PRR11: variants seen among roughly 807,000 people sequenced by gnomAD.
PRR11 encodes the protein proline-rich protein 11.
PRR11 carries 30 observed loss-of-function variants against 45.6 expected under a neutral mutation model. The observed-to-expected ratio is 0.66, with a 90% confidence interval of 0.49 to 0.89. PRR11 has a LOEUF of 0.89. Among genes scored for constraint, PRR11 ranks in the 40% least tolerant of loss-of-function variants. The probability of loss-of-function intolerance (pLI) is 0.00; values close to 1 mark genes in which losing one functional copy is unlikely to be tolerated. For synonymous variants in PRR11, 128 were observed against 153.5 expected (o/e 0.83, Z 1.23); for missense variants, 373 against 424.8 (o/e 0.88, Z 1.07).
intron 2 of PRR11, chr17:59,174,907 C>T (rs1334969427): frequency 8.9e-7 from 1 of 1,120,654 alleles, no homozygotes; most frequent in Non-Finnish European, 1.3e-6. Flanking sequence ...TGTCCAGCCT[C>T]CAGCCCACCT....
intron 1 of PRR11, among the ~76,000 whole-genome samples, chr17:59,161,423 A>AC (rs2046652329): frequency 6.6e-6 from 1 of 150,806 alleles, no homozygotes; most frequent in Non-Finnish European, 1.5e-5. Context: ...AAAAAAAAAA[A>AC]CAAAAACATA....
At chr17:59,161,952 T>C (rs1443754843) in intron 1 of PRR11, among the ~76,000 whole-genome samples, 1 of 152,216 alleles carries the variant, frequency 6.6e-6, no homozygotes, top group African/African-American at 2.4e-5. Flanking sequence ...GGAAAGTACC[T>C]AATGCTTTTA....
chr17:59,195,493 T>G, intron 7 of PRR11, 50 bp downstream of exon 7: 1 of 1,267,990 alleles, frequency 7.9e-7, no homozygotes, highest in South Asian at 1.3e-5. Flanking sequence ...AAGAATGATA[T>G]TGTTGTACAA....
chr17:59,197,842 T>G, intron 9 of PRR11, 53 bp downstream of exon 9: 13 of 1,477,730 alleles, frequency 8.8e-6, no homozygotes, highest in Non-Finnish European at 1.2e-5. Context: ...TAATTTGGCC[T>G]GGTGTGGTGG....
chr17:59,178,619 G>A, intron 2 of PRR11: 1 of 520,008 alleles, frequency 1.9e-6, no homozygotes, highest in East Asian at 5.4e-5. Flanking sequence ...GTGTCTCCCA[G>A]GGGGAAGTCT....
At chr17:59,165,793 A>C (rs1413816061) in intron 1 of PRR11, among the ~76,000 whole-genome samples, 2 of 146,722 alleles carry the variant, frequency 1.4e-5, no homozygotes, top group Non-Finnish European at 3.0e-5. Flanking sequence ...ACTCTGTCTC[A>C]AAAAAAAAAC....
intron 1 of PRR11, among the ~76,000 whole-genome samples, chr17:59,167,867 C>T (rs1228577341): frequency 1.3e-5 from 2 of 152,276 alleles, no homozygotes; most frequent in South Asian, 2.1e-4. Flanking sequence ...TTCTTTACTG[C>T]ATCCTGTTTT....
rs575718450 is a variant in PRR11, at chr17:59,204,879, T to G, written c.*3248T>G. ...CCCCAACTCTACAAAAAACGAAAAA[T>G]TAGCCGGGAGCGGTGATGTGTGCCT... On this transcript the variant is annotated 3_prime_UTR_variant, in exon 10 of 10. Transcript: ENST00000262293. Among the ~76,000 whole-genome samples, 51 of 151,796 alleles carry G rather than the reference T, an allele frequency of 3.4e-4. No homozygotes were observed. The highest frequency in any genetic ancestry group is 1.2e-3 in the African/African-American group (49 of 41,370).
chr17:59,176,245 G>C (rs2046744943), intron 2 of PRR11, among the ~76,000 whole-genome samples: 1 of 152,208 alleles, frequency 6.6e-6, no homozygotes, highest in East Asian at 1.9e-4. Context: ...TGGCGAGCCA[G>C]TTTGGTTGTA....
intron 9 of PRR11, among the ~76,000 whole-genome samples, chr17:59,199,556 G>C (rs2046882688): frequency 1.3e-5 from 2 of 152,170 alleles, no homozygotes; most frequent in African/African-American, 4.8e-5. Flanking sequence ...GTTGATCTTA[G>C]TCATCTCCCT....
intron 1 of PRR11, among the ~76,000 whole-genome samples, chr17:59,166,289 G>T (rs1307866887): frequency 1.3e-5 from 2 of 152,164 alleles, no homozygotes; most frequent in Non-Finnish European, 2.9e-5. Context: ...AGGGAAGGAG[G>T]CCCAGGCCTT....
In PRR11 at chr17:59,203,211, TG is replaced by T. The variant is rs2046900980; in HGVS notation, c.*1581del. On this transcript the variant is annotated 3_prime_UTR_variant, in exon 10 of 10. Transcript: ENST00000262293. ...ACCCACATCTATATATAGAGATTTTTGTTTGTTTGTTTGTTTGTTTTGTTTT... is the reference window on the plus strand; with the variant it reads ...ACCCACATCTATATATAGAGATTTTTTTTGTTTGTTTGTTTGTTTTGTTTT... 6.6e-6 allele frequency among the ~76,000 whole-genome samples: 1 copy of T among 151,618 alleles called. No individual in the cohort carries two copies. The highest frequency in any genetic ancestry group is 2.1e-4 in the South Asian group (1 of 4,816).
intron 1 of PRR11, among the ~76,000 whole-genome samples, chr17:59,160,173 T>C (rs2046644514): frequency 6.6e-6 from 1 of 152,212 alleles, no homozygotes; most frequent in African/African-American, 2.4e-5. Flanking sequence ...GATTTACTCA[T>C]GTACTCCTCA....
intron 1 of PRR11, among the ~76,000 whole-genome samples, chr17:59,163,894 G>A (rs1194222914): frequency 2.6e-5 from 4 of 151,940 alleles, no homozygotes; most frequent in Admixed American, 2.0e-4. Flanking sequence ...GGGAAACCCC[G>A]TCTCTACTAA....
chr17:59,167,362 C>T (rs189629895), intron 1 of PRR11, among the ~76,000 whole-genome samples: 3 of 152,210 alleles, frequency 2.0e-5, no homozygotes, highest in Non-Finnish European at 4.4e-5. Context: ...TTATTGTTAA[C>T]TATAGTCATC....
chr17:59,173,075 A>G (rs1231943283), intron 2 of PRR11, among the ~76,000 whole-genome samples: 3 of 152,222 alleles, frequency 2.0e-5, no homozygotes, highest in East Asian at 3.8e-4. Context: ...AGGTTTGTAA[A>G]CACACCAATC....
intron 9 of PRR11, among the ~76,000 whole-genome samples, chr17:59,199,357 A>C (rs2046881668): frequency 6.6e-6 from 1 of 152,206 alleles, no homozygotes; most frequent in South Asian, 2.1e-4. Context: ...CTAAGAAGTG[A>C]CCAGTGTGGC....
chr17:59,194,390 ATCT>A (rs2046855018), intron 5 of PRR11, among the ~76,000 whole-genome samples: 1 of 151,912 alleles, frequency 6.6e-6, no homozygotes, highest in Non-Finnish European at 1.5e-5. Flanking sequence ...AAACTGAGTC[ATCT>A]TTCTAGGTAA....
At chr17:59,192,883 T>C (rs557834872) in intron 4 of PRR11, among the ~76,000 whole-genome samples, 2 of 152,214 alleles carry the variant, frequency 1.3e-5, no homozygotes, top group Non-Finnish European at 2.9e-5. Context: ...TTCTTGAAAG[T>C]ACTATATTCT....
Sources: allele counts gnomAD v4.1 joint callset (sites outside exome capture counted in the v4.1 genomes callset), GRCh38; gene constraint gnomAD v4.1.1; transcripts MANE v1.5; gene names NCBI Gene and HGNC (gene_info 2026-07-23, HGNC 2026-07-21).